PARP8: variants seen among roughly 807,000 people sequenced by gnomAD.
PARP8 encodes the protein poly(ADP-ribose) polymerase family member 8.
Under a neutral mutation model 124.1 loss-of-function variants are expected in PARP8, and 51 were observed. The ratio of observed to expected loss-of-function variants is 0.41; its 90% CI spans 0.33 to 0.52. The LOEUF is 0.52. PARP8 is among the 20% of genes least tolerant of loss of function. PARP8 has a pLI of 0.21. For synonymous variants in PARP8, 391 were observed against 361.5 expected (o/e 1.08, Z -0.93); for missense variants, 860 against 1,018.9 (o/e 0.84, Z 2.12).
At chr5:50,669,925 TAAAAG>T (rs1253498698) in intron 2 of PARP8, among the ~76,000 whole-genome samples, 1 of 152,232 alleles carries the variant, frequency 6.6e-6, no homozygotes, top group Admixed American at 6.5e-5. Flanking sequence ...ACCAGCCTGT[TAAAAG>T]AGAAAGACAA....
At chr5:50,801,240 C>T (rs556727764) in intron 14 of PARP8, among the ~76,000 whole-genome samples, 276 of 152,164 alleles carry the variant, frequency 1.8e-3, no homozygotes, top group Non-Finnish European at 3.5e-3. Context: ...GCTGGGATTA[C>T]AGGCATGCAC....
At chr5:50,744,005 G>T (rs1349654275) in intron 2 of PARP8, among the ~76,000 whole-genome samples, 1 of 152,124 alleles carries the variant, frequency 6.6e-6, no homozygotes, top group Non-Finnish European at 1.5e-5. Context: ...TAAAATACTG[G>T]TTTTTACTTG....
intron 22 of PARP8, among the ~76,000 whole-genome samples, chr5:50,831,040 T>G (rs981051702): frequency 2.6e-5 from 4 of 152,120 alleles, no homozygotes; most frequent in African/African-American, 7.2e-5. Flanking sequence ...TTCTCAATGA[T>G]AGGAAACTTG....
chr5:50,750,002 G>A (rs1759051737), intron 2 of PARP8, 149 bp from the exon 3 acceptor site: 5 of 651,122 alleles, frequency 7.7e-6, no homozygotes, highest in Non-Finnish European at 8.0e-6. Context: ...GGATATAAAA[G>A]TGGTTTTCTA....
rs537500008 is a variant in PARP8 at position 50,825,372 on chromosome 5, A to G, written c.1928+397A>G. On this transcript the variant is annotated intron_variant, in intron 18 of 25. Coordinates refer to ENST00000281631, the MANE Select transcript of PARP8 (RefSeq NM_024615.4). Reference sequence around the variant, plus strand: ...TTTATTATTGAAATCTTTCTAATCTAAAATAAATGTTTTATATTTTGCTCC... The same window carrying G: ...TTTATTATTGAAATCTTTCTAATCTGAAATAAATGTTTTATATTTTGCTCC... Among the ~76,000 whole-genome samples the G allele has an allele frequency of 2.0e-5, 3 of 152,318 alleles. No individual in the cohort carries two copies. In the East Asian group the frequency reaches 5.8e-4, roughly 29 times the overall value.
intron 15 of PARP8, among the ~76,000 whole-genome samples, chr5:50,816,542 T>G (rs952624331): frequency 1.3e-5 from 2 of 152,160 alleles, no homozygotes; most frequent in Non-Finnish European, 2.9e-5. Context: ...TTTAATTAAC[T>G]AAAACTATTT....
At position 50,842,834 on chromosome 5, in the gene PARP8, A is replaced by G. The variant is rs957633915; in HGVS notation, c.*766A>G. On this transcript the variant is annotated 3_prime_UTR_variant, in exon 26 of 26. Transcript: ENST00000281631. ...TCATTCACTGAAAATATTTGCAGAC[A>G]ATTTTTCTGTTTGTCTGAAGAAATT... 2.0e-5 allele frequency: 3 copies of G among 151,718 alleles called. No homozygotes were observed. The highest frequency in any genetic ancestry group is 7.3e-5 in the African/African-American group (3 of 41,368). The allele number at this position is 151,718 out of a possible 1,614,324, so 9.4% of individuals were successfully genotyped here.
At chr5:50,721,499 C>T (rs1755878152) in intron 2 of PARP8, among the ~76,000 whole-genome samples, 1 of 152,080 alleles carries the variant, frequency 6.6e-6, no homozygotes, top group Non-Finnish European at 1.5e-5. Context: ...ATATTCAATT[C>T]AGTGAATCTT....
intron 2 of PARP8, among the ~76,000 whole-genome samples, chr5:50,694,930 T>G (rs1752866130): frequency 6.6e-6 from 1 of 152,248 alleles, no homozygotes; most frequent in East Asian, 1.9e-4. Context: ...TCTAGTCTGA[T>G]GTTTGAGGGC....
intron 9 of PARP8, among the ~76,000 whole-genome samples, chr5:50,784,330 A>C (rs756951753): frequency 6.6e-6 from 1 of 152,184 alleles, no homozygotes; most frequent in Non-Finnish European, 1.5e-5. Flanking sequence ...GATAAGGATT[A>C]TTTGTATTAT....
chr5:50,778,429 G>A (rs1259894412), intron 8 of PARP8, 131 bp from the exon 9 acceptor site: 1 of 700,706 alleles, frequency 1.4e-6, no homozygotes, highest in African/African-American at 1.8e-5. Flanking sequence ...AAAACAGTGG[G>A]TTTTGAGATA....
chr5:50,779,520 G>C (rs376353640), intron 9 of PARP8, among the ~76,000 whole-genome samples: 1 of 152,220 alleles, frequency 6.6e-6, no homozygotes, highest in Admixed American at 6.5e-5. Flanking sequence ...CCGACACATA[G>C]CTTCTTCATG....
chr5:50,788,288 A>G (rs1400237886), intron 9 of PARP8, among the ~76,000 whole-genome samples: 2 of 148,016 alleles, frequency 1.4e-5, no homozygotes, highest in Non-Finnish European at 3.0e-5. Flanking sequence ...ATTATACAAT[A>G]TAATGTATAA....
At chr5:50,800,895 T>C (rs1743133638) in intron 14 of PARP8, among the ~76,000 whole-genome samples, 1 of 151,614 alleles carries the variant, frequency 6.6e-6, no homozygotes, top group African/African-American at 2.4e-5. Flanking sequence ...TAGCTGGGAC[T>C]ACAGGTACAT....
intron 9 of PARP8, among the ~76,000 whole-genome samples, chr5:50,783,096 G>A (rs910693713): frequency 2.6e-5 from 4 of 151,910 alleles, no homozygotes; most frequent in Admixed American, 2.0e-4. Context: ...CCATGGAGAA[G>A]ATATGGCAAC....
chr5:50,753,310 G>A (rs1455751582), intron 3 of PARP8, among the ~76,000 whole-genome samples: 4 of 151,964 alleles, frequency 2.6e-5, no homozygotes, highest in African/African-American at 9.7e-5. Flanking sequence ...ATACTTTCTG[G>A]ATCCTCTGGC....
intron 7 of PARP8, among the ~76,000 whole-genome samples, chr5:50,772,841 C>A (rs181298426): frequency 6.6e-6 from 1 of 152,074 alleles, no homozygotes; most frequent in Non-Finnish European, 1.5e-5. Context: ...GGGCTACAGG[C>A]GTGTGCCACC....
chr5:50,756,482 CA>C (rs1442659882), intron 3 of PARP8, among the ~76,000 whole-genome samples: 4 of 152,024 alleles, frequency 2.6e-5, no homozygotes, highest in East Asian at 3.9e-4. Flanking sequence ...TAAGCAAGAA[CA>C]AAAAGCCAAC....
intron 19 of PARP8, 116 bp downstream of exon 19, chr5:50,826,919 A>G: frequency 2.9e-6 from 4 of 1,386,350 alleles, no homozygotes. Context: ...AAGTAAACCC[A>G]GGTTAAATAT....
Sources: allele counts gnomAD v4.1 joint callset (sites outside exome capture counted in the v4.1 genomes callset), GRCh38; gene constraint gnomAD v4.1.1; transcripts MANE v1.5; gene names NCBI Gene and HGNC (gene_info 2026-07-23, HGNC 2026-07-21).